DCC: variants seen among roughly 807,000 people sequenced by gnomAD.
DCC encodes netrin receptor DCC.
DCC carries 58 observed loss-of-function variants against 172.5 expected under a neutral mutation model. That is an observed-to-expected ratio of 0.34 (90% CI 0.27 to 0.42). The LOEUF is 0.42. DCC is among the 10% of genes least tolerant of loss of function. The pLI is 1.00. For missense variants in DCC, 1,740 were observed against 1,791.0 expected, an observed-to-expected ratio of 0.97 and a Z score of 0.51; for synonymous variants, 709 against 644.5, an observed-to-expected ratio of 1.10 and a Z score of -1.52.
At chr18:53,101,803 CTGTGTG>C (rs140007932) in intron 7 of DCC, among the ~76,000 whole-genome samples, 2 of 141,640 alleles carry the variant, frequency 1.4e-5, no homozygotes, top group African/African-American at 2.7e-5. Context: ...TACCACTGGG[CTGTGTG>C]TGTGTGTGTG....
intron 1 of DCC, among the ~76,000 whole-genome samples, chr18:52,551,430 C>A (rs7240443): frequency 0.44 from 66,331 of 151,804 alleles, 14,539 homozygotes; most frequent in East Asian, 0.51. Flanking sequence ...TGACGCTCTA[C>A]CATAGCTTGT....
At chr18:53,055,986 A>G (rs752713740) in intron 5 of DCC, among the ~76,000 whole-genome samples, 9 of 152,132 alleles carry the variant, frequency 5.9e-5, no homozygotes, top group Non-Finnish European at 1.2e-4. Context: ...AAATACCGTT[A>G]CCTAGAATGA....
chr18:53,103,326 A>G (rs1225540308), intron 7 of DCC, among the ~76,000 whole-genome samples: 2 of 152,078 alleles, frequency 1.3e-5, no homozygotes, highest in African/African-American at 4.8e-5. Flanking sequence ...ACACAAAGCA[A>G]TGGGAACCCA....
chr18:52,767,133 T>C (rs1217256924), intron 2 of DCC, among the ~76,000 whole-genome samples: 2 of 147,966 alleles, frequency 1.4e-5, no homozygotes, highest in African/African-American at 2.7e-5. Flanking sequence ...CGAGATTATA[T>C]TTATCTTTTT....
At chr18:53,500,868 C>A (rs868130600) in intron 27 of DCC, among the ~76,000 whole-genome samples, 2 of 152,014 alleles carry the variant, frequency 1.3e-5, no homozygotes, top group Admixed American at 1.3e-4. Context: ...GTCTGTATTG[C>A]CCAAGCCCCT....
chr18:53,179,228 T>C (rs2144480221), intron 9 of DCC, 112 bp downstream of exon 9: 1 of 1,084,248 alleles, frequency 9.2e-7, no homozygotes. Context: ...GAAGAGTTTT[T>C]TTTCTTCTAA....
chr18:52,546,722 C>T (rs962818999), intron 1 of DCC, among the ~76,000 whole-genome samples: 1 of 151,940 alleles, frequency 6.6e-6, no homozygotes, highest in Non-Finnish European at 1.5e-5. Flanking sequence ...GGTATTGGAA[C>T]CCAGGTATCT....
intron 1 of DCC, among the ~76,000 whole-genome samples, chr18:52,521,096 C>T (rs1144060): frequency 0.24 from 36,470 of 151,890 alleles, 4,513 homozygotes; most frequent in African/African-American, 0.29. Context: ...AGGAAACATT[C>T]GTATTCTTTT....
intron 1 of DCC, among the ~76,000 whole-genome samples, chr18:52,671,991 C>T (rs1031402634): frequency 1.3e-5 from 2 of 152,044 alleles, no homozygotes; most frequent in African/African-American, 4.8e-5. Context: ...TCGTGTCGAC[C>T]CTTGCAAATT....
chr18:52,497,280 A>AAAAAATATATAT (rs1555689730), intron 1 of DCC, among the ~76,000 whole-genome samples: 1 of 21,574 alleles, frequency 4.6e-5, no homozygotes, highest in Non-Finnish European at 1.1e-4. Flanking sequence ...AAAAAAAAAA[A>AAAAAATATATAT]ATATATATAT....
At chr18:53,292,244 A>C (rs1483272055) in intron 12 of DCC, among the ~76,000 whole-genome samples, 1 of 152,104 alleles carries the variant, frequency 6.6e-6, no homozygotes, top group African/African-American at 2.4e-5. Flanking sequence ...GGAAGGATTA[A>C]TTGATTTTTC....
At chr18:52,503,572 T>C (rs1479697149) in intron 1 of DCC, among the ~76,000 whole-genome samples, 1 of 152,174 alleles carries the variant, frequency 6.6e-6, no homozygotes. Context: ...TCTCCGTAGT[T>C]CTGGTGACAG....
chr18:53,484,965 G>A (rs2045884420), intron 25 of DCC, among the ~76,000 whole-genome samples: 1 of 152,048 alleles, frequency 6.6e-6, no homozygotes, highest in African/African-American at 2.4e-5. Flanking sequence ...GATAGAGAAT[G>A]AAACAGTGGT....
chr18:52,774,175 T>C (rs985545397), intron 2 of DCC, among the ~76,000 whole-genome samples: 3 of 152,154 alleles, frequency 2.0e-5, no homozygotes, highest in Non-Finnish European at 4.4e-5. Flanking sequence ...AAAATGAAAA[T>C]TGTTTAGCTT....
chr18:52,374,041 G>A (rs1985241298), intron 1 of DCC, among the ~76,000 whole-genome samples: 1 of 151,580 alleles, frequency 6.6e-6, no homozygotes, highest in African/African-American at 2.4e-5. Flanking sequence ...ACAGGCGCCC[G>A]CCACCACGCC....
intron 5 of DCC, among the ~76,000 whole-genome samples, chr18:52,944,668 T>C (rs767504808): frequency 5.3e-5 from 8 of 152,120 alleles, no homozygotes; most frequent in Non-Finnish European, 1.0e-4. Flanking sequence ...ATGCAAAATT[T>C]TGGATATCTT....
chr18:52,937,538 G>T (rs1314921610), intron 5 of DCC, among the ~76,000 whole-genome samples: 1 of 152,060 alleles, frequency 6.6e-6, no homozygotes, highest in Non-Finnish European at 1.5e-5. Context: ...GTGAGACAAG[G>T]TCTCTCTGTT....
intron 21 of DCC, 190 bp downstream of exon 21, chr18:53,416,346 A>AT (rs35371935): frequency 1.4e-6 from 1 of 699,666 alleles, no homozygotes; most frequent in Non-Finnish European, 2.6e-6. Flanking sequence ...GAAGATGTAA[A>AT]TTTTCTTGAG....
intron 1 of DCC, among the ~76,000 whole-genome samples, chr18:52,606,397 A>G (rs1308273820): frequency 5.9e-5 from 9 of 152,144 alleles, no homozygotes; most frequent in Admixed American, 3.9e-4. Flanking sequence ...GACCTTATCC[A>G]GTGCCTAGTA....
Sources: allele counts gnomAD v4.1 joint callset (sites outside exome capture counted in the v4.1 genomes callset), GRCh38; gene constraint gnomAD v4.1.1; transcripts MANE v1.5; gene names NCBI Gene and HGNC (gene_info 2026-07-23, HGNC 2026-07-21).